The following ELMOD2 variants were observed in gnomAD, a reference collection of about 807,000 sequenced individuals.
The protein encoded by ELMOD2 is ELMO domain containing 2.
A neutral mutation model predicts 41.0 loss-of-function variants in ELMOD2; 28 were observed. The ratio of observed to expected loss-of-function variants is 0.68; its 90% CI spans 0.51 to 0.94. The LOEUF (loss-of-function observed/expected upper bound fraction) is 0.94, where lower values mean the gene tolerates loss of function less well. Among genes scored for constraint, ELMOD2 ranks in the 40% least tolerant of loss-of-function variants. ELMOD2 has a pLI of 0.00. For missense variants in ELMOD2, 333 were observed against 343.1 expected, an observed-to-expected ratio of 0.97 and a Z score of 0.23; for synonymous variants, 106 against 107.2, an observed-to-expected ratio of 0.99 and a Z score of 0.07.
At chr4:140,546,734 T>G (rs1735300173) in intron 8 of ELMOD2, among the ~76,000 whole-genome samples, 1 of 152,054 alleles carries the variant, frequency 6.6e-6, no homozygotes, top group African/African-American at 2.4e-5. Flanking sequence ...ATTTTTCCCC[T>G]AAAGACCAGG....
rs937067009 is a variant in ELMOD2 at position 140,551,741 on chromosome 4, T to C, written c.*1366T>C. The C allele has an allele frequency of 3.9e-5, 6 of 152,102 alleles. No individual in the cohort carries two copies. The highest frequency in any genetic ancestry group is 7.4e-5 in the Non-Finnish European group (5 of 67,948). 9.4% of individuals were successfully genotyped at this position (152,102 alleles called of 1,614,324 possible). ...TGTTTAAGGACTGGCTAGTATGTGA[T>C]AGAGCAAGACCTGAGACTTTATAAG... On this transcript the variant is annotated 3_prime_UTR_variant, in exon 9 of 9. Transcript: ENST00000323570.
At chr4:140,529,362 A>C (rs1191030521) in intron 3 of ELMOD2, among the ~76,000 whole-genome samples, 2 of 152,198 alleles carry the variant, frequency 1.3e-5, no homozygotes. Flanking sequence ...CTCTAGAATG[A>C]ATTGTTCTGT....
At chr4:140,543,354 T>A in intron 7 of ELMOD2, 99 bp from the exon 8 acceptor site, 1 of 1,295,458 alleles carries the variant, frequency 7.7e-7, no homozygotes, top group South Asian at 1.4e-5. Flanking sequence ...CAATACTGTG[T>A]TAAACCTGAA....
chr4:140,537,676 AT>A, intron 5 of ELMOD2, 135 bp downstream of exon 5: 1 of 953,732 alleles, frequency 1.0e-6, no homozygotes, highest in Non-Finnish European at 1.5e-6. Context: ...AGAGAATTTT[AT>A]TATGCTGGAT....
intron 8 of ELMOD2, among the ~76,000 whole-genome samples, chr4:140,543,985 C>T (rs1349219407): frequency 6.6e-6 from 1 of 152,046 alleles, no homozygotes; most frequent in Non-Finnish European, 1.5e-5. Context: ...GAACTTTTCG[C>T]CTCCCCCTGC....
rs1185265119 is a variant in ELMOD2 at position 140,537,516 on chromosome 4, T to C, written c.374T>C (p.Leu125Pro). The C allele has an allele frequency of 1.9e-6, 3 of 1,599,906 alleles. No homozygotes were observed. In the East Asian group the frequency reaches 6.8e-5, roughly 37 times the overall value. Reference protein sequence around the residue: ...VRKRPYDSDNLQHEELLMKLW... With the variant: ...VRKRPYDSDNPQHEELLMKLW... ...AAAAGGCCATATGATTCTGATAACCTACAGCATGAAGAGCTACTCATGAAG... is the reference window on the plus strand; with the variant it reads ...AAAAGGCCATATGATTCTGATAACCCACAGCATGAAGAGCTACTCATGAAG... The change falls in exon 5 of 9, where the codon CTA becomes CCA. Residue 125 changes from leucine to proline, a missense_variant. By Grantham distance (98) the Leu-to-Pro change is moderately conservative (BLOSUM62 -3). Coordinates refer to ENST00000323570, the MANE Select transcript of ELMOD2 (RefSeq NM_153702.4).
chr4:140,543,684 T>G, intron 8 of ELMOD2, 98 bp downstream of exon 8: 1 of 968,160 alleles, frequency 1.0e-6, no homozygotes, highest in Non-Finnish European at 1.4e-6. Context: ...CTCTGTGAAG[T>G]ATATAACTTA....
intron 8 of ELMOD2, among the ~76,000 whole-genome samples, chr4:140,546,334 TGTG>T (rs1288601636): frequency 1.3e-5 from 2 of 150,612 alleles, no homozygotes; most frequent in African/African-American, 2.4e-5. Context: ...CGGGGCCTGT[TGTG>T]GGGTTGGGGG....
rs1214159845 is a variant in ELMOD2, at chr4:140,537,384, TTTTTAAAAATAA to T, written c.270-22_270-11del. On this transcript the variant is annotated splice_polypyrimidine_tract_variant and intron_variant, in intron 4 of 8. Coordinates refer to ENST00000323570, the MANE Select transcript of ELMOD2 (RefSeq NM_153702.4). ...ACTTTATTGTGATAAGAGGGTATGCTTTTTAAAAATAATTTTATCATTTTTAGTTTTAAAATA... is the reference window on the plus strand; with the variant it reads ...ACTTTATTGTGATAAGAGGGTATGCTTTTTATCATTTTTAGTTTTAAAATA... 2 of 1,473,770 alleles carry T rather than the reference TTTTTAAAAATAA, an allele frequency of 1.4e-6. No individual in the cohort carries two copies. Among genetic ancestry groups the T allele is most frequent in the African/African-American group, 2.9e-5 (2 of 68,034 alleles). 91.3% of individuals were successfully genotyped at this position (1,473,770 alleles called of 1,614,324 possible).
chr4:140,542,739 A>C (rs775039262), intron 7 of ELMOD2, 97 bp downstream of exon 7: 14 of 951,316 alleles, frequency 1.5e-5, no homozygotes, highest in Non-Finnish European at 2.0e-5. Flanking sequence ...TTCTTAAAAT[A>C]AAGTATTTTA....
intron 8 of ELMOD2, among the ~76,000 whole-genome samples, chr4:140,546,030 T>C (rs943997814): frequency 8.3e-5 from 12 of 144,616 alleles, no homozygotes; most frequent in Non-Finnish European, 1.2e-4. Flanking sequence ...TAAAGACACA[T>C]GCACACATAT....
chr4:140,526,137 A>G (rs530510136), intron 2 of ELMOD2, among the ~76,000 whole-genome samples: 21 of 152,364 alleles, frequency 1.4e-4, no homozygotes, highest in African/African-American at 5.0e-4. Flanking sequence ...CTGTATTTCA[A>G]AGACTTATAA....
chr4:140,525,555 A>G lies in ELMOD2; in HGVS notation c.127A>G (p.Arg43Gly). 6 of 1,609,764 alleles carry G rather than the reference A, an allele frequency of 3.7e-6. No homozygotes were observed. The highest frequency in any genetic ancestry group is 1.7e-4 in the Middle Eastern group (1 of 6,044). Residue 43 changes from arginine to glycine, a missense_variant, in exon 2 of 9, where the codon AGG becomes GGG. Arg to Gly is a moderately radical substitution (Grantham distance 125). Transcript: ENST00000323570. ...ATTTGATACCTATGTAGGTGCACAA[A>G]GGACACACAGGATAGGTAATGTTAT... ...RIFDTYVGAQ[R>G]THRIENSLTY...
At chr4:140,548,636 C>T (rs765085471) in intron 8 of ELMOD2, among the ~76,000 whole-genome samples, 32 of 152,134 alleles carry the variant, frequency 2.1e-4, no homozygotes, top group Non-Finnish European at 3.8e-4. Context: ...AGACCACTTA[C>T]AAACTGTGTG....
chr4:140,531,582 T>G (rs746347125), intron 3 of ELMOD2, among the ~76,000 whole-genome samples: 7 of 152,220 alleles, frequency 4.6e-5, no homozygotes, highest in Non-Finnish European at 1.0e-4. Context: ...TCTTAGGGTT[T>G]AAATAATAAT....
chr4:140,532,843 C>T (rs762766116), intron 3 of ELMOD2, among the ~76,000 whole-genome samples: 11 of 152,124 alleles, frequency 7.2e-5, no homozygotes, highest in East Asian at 1.9e-4. Flanking sequence ...TAACAGATGA[C>T]GTACTTTGTG....
At position 140,537,476 on chromosome 4, in the gene ELMOD2, G is replaced by C; in HGVS notation, c.334G>C (p.Val112Leu). ...TGGTTATAAACAGCTGTATTTGGAT[G>C]TAGAAAGTGTGAGGAAAAGGCCATA... is the stretch of plus-strand genomic sequence containing the variant. ...ITGYKQLYLD[V>L]ESVRKRPYDS... The change falls in exon 5 of 9, where the codon GTA (valine) becomes CTA (leucine). Residue 112 changes from valine (V) to leucine (L), a missense_variant. Physicochemically the swap from Val to Leu is conservative, Grantham distance 32. Coordinates refer to ENST00000323570, the MANE Select transcript of ELMOD2 (RefSeq NM_153702.4). 6.3e-7 allele frequency: 1 copy of C among 1,584,034 alleles called. No individual in the cohort carries two copies. Among genetic ancestry groups the C allele is most frequent in the Non-Finnish European group, 8.6e-7 (1 of 1,167,750 alleles).
intron 5 of ELMOD2, among the ~76,000 whole-genome samples, chr4:140,539,193 G>A (rs1256770083): frequency 6.6e-6 from 1 of 151,882 alleles, no homozygotes; most frequent in East Asian, 1.9e-4. Flanking sequence ...TAATGAAATG[G>A]GAAAAAAATG....
chr4:140,543,544 G>C lies in ELMOD2; in HGVS notation c.694G>C (p.Val232Leu). The change falls in exon 8 of 9, where the codon GTT becomes CTT. Residue 232 changes from valine to leucine, a missense_variant. Val to Leu is a conservative substitution (Grantham distance 32). Transcript: ENST00000323570. ...EALKFHLYNL[V>L]PGIPTMEHFH... ...TTTGAAGTTTCATCTCTATAACCTT[G>C]TTCCTGGTATACCAACAATGGAACA... The C allele has an allele frequency of 1.2e-6, 2 of 1,605,024 alleles. No individual in the cohort carries two copies. Among genetic ancestry groups the C allele is most frequent in the Non-Finnish European group, 1.7e-6 (2 of 1,177,416 alleles).
Sources: gnomAD v4.1 joint callset for allele counts (sites outside exome capture counted in the v4.1 genomes callset) on GRCh38, gnomAD v4.1.1 for gene constraint, MANE v1.5 for transcripts, NCBI Gene and HGNC (gene_info 2026-07-23, HGNC 2026-07-21) for gene names.